The following STXBP5L variants were observed in gnomAD, a reference collection of about 807,000 sequenced individuals.
STXBP5L encodes syntaxin-binding protein 5-like.
A neutral mutation model predicts 144.5 loss-of-function variants in STXBP5L; 65 were observed. The observed-to-expected ratio is 0.45, with a 90% CI of 0.37 to 0.55. The LOEUF is 0.55. Ranked by LOEUF, STXBP5L falls within the 20% of genes least tolerant of loss-of-function variation. STXBP5L has a pLI of 0.00. For synonymous variants in STXBP5L, 505 were observed against 469.6 expected, an observed-to-expected ratio of 1.08 and a Z score of -0.97; for missense variants, 1,298 against 1,405.5, an observed-to-expected ratio of 0.92 and a Z score of 1.22.
intron 21 of STXBP5L, 22 bp from the exon 22 acceptor site, chr3:121,381,269 GTT>G (rs35624942): frequency 7.8e-6 from 12 of 1,548,350 alleles, no homozygotes; most frequent in Admixed American, 6.2e-5. Context: ...AATTTGTGTG[GTT>G]TTTTTTTATT....
At chr3:121,022,409 C>G (rs1945624307) in intron 3 of STXBP5L, among the ~76,000 whole-genome samples, 1 of 151,708 alleles carries the variant, frequency 6.6e-6, no homozygotes, top group Non-Finnish European at 1.5e-5. Context: ...AGAGGTAATC[C>G]TCTCTAAATC....
chr3:121,336,795 C>T (rs1432537036), intron 20 of STXBP5L, among the ~76,000 whole-genome samples: 1 of 152,138 alleles, frequency 6.6e-6, no homozygotes, highest in Admixed American at 6.6e-5. Context: ...CATAAAAACA[C>T]ATGCACGTGT....
In STXBP5L at chr3:121,343,998, A is replaced by C. The variant is rs528697609; in HGVS notation, c.2176+25458A>C. Among the ~76,000 whole-genome samples the C allele has an allele frequency of 2.2e-4, 33 of 152,262 alleles. 2 individuals are homozygous for C. In the South Asian group the frequency reaches 3.1e-3, roughly 14 times the overall value. ...GCATCAAGCTACCGGACTTCTAACTATACTACAAAGCTACAGTAACCAAAA... is the reference window on the plus strand; with the variant it reads ...GCATCAAGCTACCGGACTTCTAACTCTACTACAAAGCTACAGTAACCAAAA... On this transcript the variant is annotated intron_variant, in intron 20 of 26. Transcript: ENST00000471454.
At chr3:121,343,962 C>T (rs2044840451) in intron 20 of STXBP5L, among the ~76,000 whole-genome samples, 1 of 152,218 alleles carries the variant, frequency 6.6e-6, no homozygotes, top group Admixed American at 6.5e-5. Context: ...GCCAAAAGAA[C>T]AAAGCTGGAG....
intron 10 of STXBP5L, among the ~76,000 whole-genome samples, chr3:121,208,230 A>C (rs961510514): frequency 2.8e-4 from 42 of 151,342 alleles, no homozygotes; most frequent in African/African-American, 9.7e-4. Flanking sequence ...GACTATCCCA[A>C]GGGCAGAAAA....
At chr3:121,336,047 T>G (rs2044494007) in intron 20 of STXBP5L, among the ~76,000 whole-genome samples, 1 of 152,184 alleles carries the variant, frequency 6.6e-6, no homozygotes, top group Non-Finnish European at 1.5e-5. Context: ...ATCCAGCATC[T>G]AAGAAGAACT....
intron 19 of STXBP5L, among the ~76,000 whole-genome samples, chr3:121,304,303 C>T (rs1215013151): frequency 6.6e-6 from 1 of 152,114 alleles, no homozygotes; most frequent in Non-Finnish European, 1.5e-5. Flanking sequence ...CATCATTTCT[C>T]TTTTGTAACT....
intron 5 of STXBP5L, among the ~76,000 whole-genome samples, chr3:121,051,733 A>G (rs889011205): frequency 3.9e-5 from 6 of 152,248 alleles, no homozygotes; most frequent in African/African-American, 9.6e-5. Flanking sequence ...AAATAACTAA[A>G]ATCAGAGCAG....
chr3:121,261,289 G>A (rs1352614144), intron 18 of STXBP5L, among the ~76,000 whole-genome samples: 3 of 152,164 alleles, frequency 2.0e-5, no homozygotes, highest in African/African-American at 4.8e-5. Context: ...CTCATAGAGA[G>A]CCTCCACTGC....
chr3:121,005,776 A>T (rs1263863079), intron 3 of STXBP5L, among the ~76,000 whole-genome samples: 1 of 152,200 alleles, frequency 6.6e-6, no homozygotes, highest in African/African-American at 2.4e-5. Context: ...GGTTTCAAAG[A>T]ACATCTTTAT....
Position 121,423,467 on chromosome 3 carries a change from G to A in STXBP5L, c.*4370G>A, listed in dbSNP as rs570122266. 25 of 152,406 alleles carry A rather than the reference G, an allele frequency of 1.6e-4. No homozygotes were observed. The highest frequency in any genetic ancestry group is 5.8e-4 in the African/African-American group (24 of 41,594). The allele number at this position is 152,406 out of a possible 1,614,324, so 9.4% of individuals were successfully genotyped here. ...AAGGAGGAGGAAGTACCAATTTGGT[G>A]CAAGAAGATCGTGGTGAGGAAGGAC... On this transcript the variant is annotated 3_prime_UTR_variant, in exon 27 of 27. Transcript: ENST00000471454.
intron 23 of STXBP5L, among the ~76,000 whole-genome samples, chr3:121,412,940 G>A (rs372758576): frequency 3.3e-5 from 5 of 151,628 alleles, no homozygotes; most frequent in African/African-American, 1.2e-4. Flanking sequence ...AGGCTGAGGC[G>A]TGAGAATCAC....
intron 2 of STXBP5L, among the ~76,000 whole-genome samples, chr3:120,919,376 A>G (rs1709255327): frequency 6.6e-6 from 1 of 152,058 alleles, no homozygotes; most frequent in South Asian, 2.1e-4. Context: ...TAATAGGCTA[A>G]ATATACTTGA....
intron 5 of STXBP5L, among the ~76,000 whole-genome samples, chr3:121,075,869 C>T (rs528305622): frequency 1.3e-5 from 2 of 152,230 alleles, no homozygotes; most frequent in Non-Finnish European, 2.9e-5. Context: ...CCTGCAGGTG[C>T]ATTGTTCTCC....
At chr3:121,095,088 T>C (rs546922310) in intron 5 of STXBP5L, among the ~76,000 whole-genome samples, 10 of 152,344 alleles carry the variant, frequency 6.6e-5, no homozygotes, top group Admixed American at 2.6e-4. Context: ...TGAAAATTCT[T>C]TTCTTTAAGA....
At chr3:120,975,783 C>A (rs1426468212) in intron 3 of STXBP5L, among the ~76,000 whole-genome samples, 1 of 152,040 alleles carries the variant, frequency 6.6e-6, no homozygotes, top group African/African-American at 2.4e-5. Flanking sequence ...AAGGCCTTTT[C>A]TGCATCTATT....
At chr3:120,990,199 C>T (rs1942701236) in intron 3 of STXBP5L, among the ~76,000 whole-genome samples, 1 of 152,062 alleles carries the variant, frequency 6.6e-6, no homozygotes, top group African/African-American at 2.4e-5. Flanking sequence ...GAGTGAACTC[C>T]CATTCACAAT....
At chr3:121,415,382 C>T (rs1201822112) in intron 24 of STXBP5L, among the ~76,000 whole-genome samples, 1 of 152,128 alleles carries the variant, frequency 6.6e-6, no homozygotes, top group Non-Finnish European at 1.5e-5. Context: ...CCTATTTTGA[C>T]TCGTTTAAAT....
chr3:120,984,415 G>A (rs1025307187), intron 3 of STXBP5L, among the ~76,000 whole-genome samples: 2 of 152,016 alleles, frequency 1.3e-5, no homozygotes, highest in South Asian at 2.1e-4. Context: ...TGATGCCAGG[G>A]CATCTACTAT....
Sources: gnomAD v4.1 joint callset for allele counts (sites outside exome capture counted in the v4.1 genomes callset) on GRCh38, gnomAD v4.1.1 for gene constraint, MANE v1.5 for transcripts, NCBI Gene and HGNC (gene_info 2026-07-23, HGNC 2026-07-21) for gene names.